AFAP1L2: variants seen among roughly 807,000 people sequenced by gnomAD.
AFAP1L2 encodes the protein actin filament-associated protein 1-like 2.
AFAP1L2 carries 46 observed loss-of-function variants against 99.3 expected under a neutral mutation model. That is an observed-to-expected ratio of 0.46 (90% CI 0.37 to 0.59). The LOEUF (loss-of-function observed/expected upper bound fraction) is 0.59, where lower values mean the gene tolerates loss of function less well. Among genes scored for constraint, AFAP1L2 ranks in the 20% least tolerant of loss-of-function variants. AFAP1L2 has a pLI of 0.00. For missense variants in AFAP1L2, 959 were observed against 1,034.9 expected (o/e 0.93, Z 1.01); for synonymous variants, 397 against 419.1 (o/e 0.95, Z 0.64).
At chr10:114,304,634 A>T in intron 11 of AFAP1L2, 85 bp downstream of exon 11, 1 of 1,251,026 alleles carries the variant, frequency 8.0e-7, no homozygotes, top group Non-Finnish European at 1.1e-6. Flanking sequence ...CTCCCTTAGT[A>T]GCATTACAGT....
chr10:114,311,693 C>T (rs2134546327), intron 7 of AFAP1L2, among the ~76,000 whole-genome samples: 1 of 152,328 alleles, frequency 6.6e-6, no homozygotes, highest in African/African-American at 2.4e-5. Flanking sequence ...AGGGAAAGTG[C>T]CACTAAGCCA....
Position 114,295,873 on chromosome 10 carries a change from C to A in AFAP1L2, c.*169G>T. 6.8e-7 allele frequency: 1 copy of A among 1,475,442 alleles called. No individual in the cohort carries two copies. The highest frequency in any genetic ancestry group is 2.3e-5 in the East Asian group (1 of 43,306). 91.4% of individuals were successfully genotyped at this position (1,475,442 alleles called of 1,614,324 possible). On this transcript the variant is annotated 3_prime_UTR_variant, in exon 19 of 19. Transcript: ENST00000304129. ...TTTTGTTGTATTATTTCCTTTGGCT[C>A]TGAAAAGGGACAGAGCCTCCTCTTA...
intron 1 of AFAP1L2, among the ~76,000 whole-genome samples, chr10:114,343,205 C>T (rs921202172): frequency 6.6e-6 from 1 of 152,126 alleles, no homozygotes; most frequent in Non-Finnish European, 1.5e-5. Flanking sequence ...CACTGAGAAC[C>T]CAAACAATTC....
intron 1 of AFAP1L2, among the ~76,000 whole-genome samples, chr10:114,378,953 T>G (rs1261523566): frequency 6.6e-6 from 1 of 152,132 alleles, no homozygotes; most frequent in Non-Finnish European, 1.5e-5. Flanking sequence ...AGCTCATGCC[T>G]GTAATCCCAG....
At chr10:114,325,595 A>G (rs779428314) in intron 4 of AFAP1L2, among the ~76,000 whole-genome samples, 52 of 151,946 alleles carry the variant, frequency 3.4e-4, no homozygotes, top group Non-Finnish European at 6.2e-4. Context: ...CCGACACTGT[A>G]CTGGGCTGAC....
chr10:114,280,741 TTTA>T, the AFAP1L2 span: 10 of 152,046 alleles, frequency 6.6e-5, no homozygotes, highest in African/African-American at 2.4e-4. Flanking sequence ...AAACTTTGTT[TTTA>T]TTATTATTTT....
At chr10:114,290,794 G>A (rs1359718244), downstream of AFAP1L2, among the ~76,000 whole-genome samples, 1 of 152,160 alleles carries the variant, frequency 6.6e-6, no homozygotes, top group African/African-American at 2.4e-5. Flanking sequence ...GCTCTTTTTG[G>A]GGTGCTATTT....
At position 114,315,634 on chromosome 10, in the gene AFAP1L2, C is replaced by T. The variant is rs778065011; in HGVS notation, c.538G>A (p.Ala180Thr). The T allele has an allele frequency of 9.9e-6, 16 of 1,614,062 alleles. No homozygotes were observed. Among genetic ancestry groups the T allele is most frequent in the Non-Finnish European group, 1.3e-5 (15 of 1,180,010 alleles). ...IELMRDARIC[A>T]FLWRKKWLGQ... Reference sequence around the variant, plus strand: ...AGCCACTTCTTGCGCCACAGGAAGGCGCAGATGCGGGCGTCACGCATCAGC... The same window carrying T: ...AGCCACTTCTTGCGCCACAGGAAGGTGCAGATGCGGGCGTCACGCATCAGC... The change falls in exon 6 of 19, where the codon GCC becomes ACC. Residue 180 changes from alanine (A) to threonine (T), a missense_variant. Physicochemically the swap from Ala to Thr is moderately conservative, Grantham distance 58 (BLOSUM62 0). This residue lies in a region of AFAP1L2 where 383 missense variants were observed against 472.8 expected (regional missense o/e 0.81). Coordinates refer to ENST00000304129, the MANE Select transcript of AFAP1L2 (RefSeq NM_001001936.3).
chr10:114,289,606 CA>C, the AFAP1L2 span: 1 of 1,201,066 alleles, frequency 8.3e-7, no homozygotes, highest in Non-Finnish European at 1.2e-6. Context: ...ACTTGCTTCC[CA>C]AGTGCCAGGT....
chr10:114,309,419 C>G (rs1175463102), intron 8 of AFAP1L2, among the ~76,000 whole-genome samples: 1 of 152,208 alleles, frequency 6.6e-6, no homozygotes, highest in Non-Finnish European at 1.5e-5. Context: ...CTCGAGCCCT[C>G]TGTGTGCCTC....
In AFAP1L2 at chr10:114,308,324, T is replaced by A. The variant is rs546930808; in HGVS notation, c.967+109A>T. The stretch of plus-strand genomic sequence containing the variant: ...AACAGCAGTATTTCCGAGTGGTTTA[T>A]TAATAGGGGGCCATGTTAGAATCCG... On this transcript the variant is annotated intron_variant, in intron 9 of 18. Transcript: ENST00000304129. The A allele has an allele frequency of 3.2e-6, 3 of 927,250 alleles. No individual in the cohort carries two copies. In the East Asian group the frequency reaches 7.3e-5, roughly 23 times the overall value. The allele number at this position is 927,250 out of a possible 1,614,324, so 57.4% of individuals were successfully genotyped here.
the AFAP1L2 span, chr10:114,286,544 G>A: frequency 6.6e-7 from 1 of 1,506,502 alleles, no homozygotes; most frequent in Non-Finnish European, 8.9e-7. Context: ...AGGACCGCTG[G>A]TCAGTGGGCG....
At chr10:114,291,950 C>T (rs1426072776), downstream of AFAP1L2, among the ~76,000 whole-genome samples, 2 of 152,122 alleles carry the variant, frequency 1.3e-5, no homozygotes, top group Non-Finnish European at 2.9e-5. Flanking sequence ...CGTTCTGAGT[C>T]GTGAGCAGTG....
intron 1 of AFAP1L2, among the ~76,000 whole-genome samples, chr10:114,365,559 C>A (rs1259923105): frequency 1.3e-5 from 2 of 152,020 alleles, no homozygotes; most frequent in Non-Finnish European, 2.9e-5. Context: ...CCTACAGTAG[C>A]CCCAATGAAC....
intron 1 of AFAP1L2, among the ~76,000 whole-genome samples, chr10:114,391,661 A>ATGAGGGTTGTACAAGATGAGG (rs2057171341): frequency 6.6e-6 from 1 of 152,204 alleles, no homozygotes; most frequent in Admixed American, 6.5e-5. Context: ...GACCACGGCC[A>ATGAGGGTTGTACAAGATGAGG]TGAGGGTTGT....
chr10:114,282,541 C>T, the AFAP1L2 span: 3 of 1,614,062 alleles, frequency 1.9e-6, no homozygotes, highest in Non-Finnish European at 2.5e-6. Flanking sequence ...CCTAACCCAC[C>T]CTGCCACCTG....
chr10:114,297,247 G>T lies in AFAP1L2; in HGVS notation c.2280C>A (p.Thr760=), dbSNP rs767307357. ...GGGGGCTCACATTCTCCAGGTGGGT[G>T]GTGTCCACGGTGGTGCCTAACGTCA... ...GPVTLGTTVD[T]THLENVSPRP... Residue 760 remains threonine, a synonymous_variant, in exon 17 of 19, where the codon ACC becomes ACA. Coordinates refer to ENST00000304129, the MANE Select transcript of AFAP1L2 (RefSeq NM_001001936.3). The T allele has an allele frequency of 1.2e-6, 2 of 1,614,002 alleles. No homozygotes were observed. Among genetic ancestry groups the T allele is most frequent in the Non-Finnish European group, 1.7e-6 (2 of 1,180,000 alleles).
intron 1 of AFAP1L2, among the ~76,000 whole-genome samples, chr10:114,342,292 G>C (rs1298030755): frequency 1.3e-5 from 2 of 151,200 alleles, no homozygotes; most frequent in Non-Finnish European, 3.0e-5. Flanking sequence ...TCTCCTCCCT[G>C]CTCATACCTA....
At chr10:114,381,281 A>G (rs974946265) in intron 1 of AFAP1L2, among the ~76,000 whole-genome samples, 1 of 152,240 alleles carries the variant, frequency 6.6e-6, no homozygotes, top group Admixed American at 6.5e-5. Context: ...GTCTGTCACA[A>G]GAGTCTACAT....
Sources: allele counts gnomAD v4.1 joint callset (sites outside exome capture counted in the v4.1 genomes callset), GRCh38; gene constraint gnomAD v4.1.1; regional missense constraint gnomAD v4.1.1; transcripts MANE v1.5; gene names NCBI Gene and HGNC (gene_info 2026-07-23, HGNC 2026-07-21).